The following PRKN variants were observed in gnomAD, a reference collection of about 807,000 sequenced individuals.
PRKN encodes the protein E3 ubiquitin-protein ligase parkin.
PRKN carries 56 observed loss-of-function variants against 59.5 expected under a neutral mutation model. The ratio of observed to expected loss-of-function variants is 0.94; its 90% CI spans 0.76 to 1.18. The LOEUF is 1.18. PRKN is among the 50% of genes most tolerant of loss of function. PRKN has a pLI of 0.00. For missense variants in PRKN, 657 were observed against 596.4 expected (o/e 1.10, Z -1.06); for synonymous variants, 250 against 222.1 (o/e 1.13, Z -1.12).
At chr6:162,426,563 A>C (rs1789247247) in intron 2 of PRKN, among the ~76,000 whole-genome samples, 1 of 152,124 alleles carries the variant, frequency 6.6e-6, no homozygotes, top group East Asian at 1.9e-4. Context: ...CCATCCTCCC[A>C]CCTCATCCCC....
chr6:162,226,097 T>TAATAATAATA (rs1554287422), intron 3 of PRKN, among the ~76,000 whole-genome samples: 1 of 60,646 alleles, frequency 1.6e-5, no homozygotes, highest in East Asian at 5.7e-4. Context: ...ATAATAATAA[T>TAATAATAATA]AAAATTAGAT....
chr6:161,426,787 C>T (rs556706979), intron 9 of PRKN, among the ~76,000 whole-genome samples: 3 of 151,664 alleles, frequency 2.0e-5, no homozygotes, highest in East Asian at 2.0e-4. Flanking sequence ...GGCGCAATCT[C>T]GGCTCACTGC....
chr6:162,202,065 C>T (rs1011906184), intron 3 of PRKN, among the ~76,000 whole-genome samples: 6 of 152,100 alleles, frequency 3.9e-5, no homozygotes, highest in Non-Finnish European at 7.4e-5. Flanking sequence ...CAACCTTCTT[C>T]CTGAATTTCT....
intron 7 of PRKN, among the ~76,000 whole-genome samples, chr6:161,679,476 G>T (rs1785218431): frequency 2.0e-5 from 3 of 150,936 alleles, no homozygotes; most frequent in African/African-American, 7.3e-5. Context: ...GAATGTCCTA[G>T]TTAGGCCTCC....
chr6:162,263,218 T>G, intron 2 of PRKN: 3 of 225,954 alleles, frequency 1.3e-5, no homozygotes, highest in Admixed American at 5.2e-5. Context: ...TAGCTGGGAT[T>G]ATAGGCGGGC....
intron 2 of PRKN, among the ~76,000 whole-genome samples, chr6:162,298,693 T>C (rs967992712): frequency 7.6e-6 from 1 of 131,682 alleles, no homozygotes; most frequent in Non-Finnish European, 1.5e-5. Flanking sequence ...GGCCTTCACC[T>C]TGATGAAAGC....
intron 2 of PRKN, among the ~76,000 whole-genome samples, chr6:162,422,432 C>A (rs541092110): frequency 6.6e-6 from 1 of 152,174 alleles, no homozygotes; most frequent in Non-Finnish European, 1.5e-5. Context: ...TTTTATGCCA[C>A]TGCACATGAG....
intron 6 of PRKN, among the ~76,000 whole-genome samples, chr6:161,971,700 GT>G (rs1780814494): frequency 6.7e-6 from 1 of 149,848 alleles, no homozygotes; most frequent in Non-Finnish European, 1.5e-5. Flanking sequence ...TTGGAAACAG[GT>G]TTGTTCAACA....
rs571296930 is a variant in PRKN at position 161,754,527 on chromosome 6, T to C, written c.871+31245A>G. Among the ~76,000 whole-genome samples, 13 of 151,582 alleles carry C rather than the reference T, an allele frequency of 8.6e-5. No homozygotes were observed. In the South Asian group the frequency reaches 2.5e-3, roughly 29 times the overall value. ...GTGCGTGATTAGCAGCAGGTGAGAG[T>C]AGAGAAGACAGCGGAATTGAAGACA... On this transcript the variant is annotated intron_variant, in intron 7 of 11. Transcript: ENST00000366898.
At chr6:162,266,470 A>G (rs1285837916) in intron 2 of PRKN, 1 of 152,146 alleles carries the variant, frequency 6.6e-6, no homozygotes, top group Non-Finnish European at 1.5e-5. Flanking sequence ...ATGAATTCTA[A>G]AAGTTTGAAA....
intron 9 of PRKN, among the ~76,000 whole-genome samples, chr6:161,427,248 G>A (rs1788412814): frequency 6.6e-6 from 1 of 152,032 alleles, no homozygotes; most frequent in South Asian, 2.1e-4. Flanking sequence ...TTGAACTCTT[G>A]GACTCAAGCC....
intron 9 of PRKN, among the ~76,000 whole-genome samples, chr6:161,435,508 C>A (rs919906010): frequency 2.6e-5 from 4 of 151,470 alleles, no homozygotes; most frequent in African/African-American, 4.9e-5. Flanking sequence ...CAAATATTGG[C>A]GCATTAAAAA....
intron 9 of PRKN, among the ~76,000 whole-genome samples, chr6:161,515,274 T>C (rs1268492146): frequency 6.6e-6 from 1 of 152,196 alleles, no homozygotes; most frequent in Non-Finnish European, 1.5e-5. Context: ...CAGCGTTAGA[T>C]AATTTAAAAT....
intron 4 of PRKN, among the ~76,000 whole-genome samples, chr6:162,189,177 T>C (rs1784160118): frequency 6.6e-6 from 1 of 151,894 alleles, no homozygotes; most frequent in South Asian, 2.1e-4. Flanking sequence ...CAAAGTTGAT[T>C]CCTATTCTAA....
At chr6:161,954,325 A>G (rs1157988697) in intron 6 of PRKN, among the ~76,000 whole-genome samples, 1 of 152,214 alleles carries the variant, frequency 6.6e-6, no homozygotes, top group African/African-American at 2.4e-5. Flanking sequence ...GGTTTAGCCA[A>G]GAATGTTCTA....
At chr6:161,757,842 T>C (rs12177692) in intron 7 of PRKN, among the ~76,000 whole-genome samples, 1,560 of 21,418 alleles carry the variant, frequency 0.073, 28 homozygotes, top group East Asian at 0.16. Flanking sequence ...CATCTCTCTC[T>C]CTCTCTCTCT....
intron 4 of PRKN, among the ~76,000 whole-genome samples, chr6:162,101,626 C>G (rs976403803): frequency 2.0e-5 from 3 of 151,628 alleles, no homozygotes; most frequent in Non-Finnish European, 2.9e-5. Context: ...GAGCCGAGAT[C>G]GTGCCACTGC....
At chr6:162,088,197 C>A (rs1438422016) in intron 4 of PRKN, among the ~76,000 whole-genome samples, 1 of 152,066 alleles carries the variant, frequency 6.6e-6, no homozygotes, top group Non-Finnish European at 1.5e-5. Context: ...ATTCTGAACC[C>A]ATATTATGAT....
chr6:161,862,950 C>T (rs989312346), intron 6 of PRKN, among the ~76,000 whole-genome samples: 3 of 152,172 alleles, frequency 2.0e-5, no homozygotes, highest in African/African-American at 7.2e-5. Flanking sequence ...ACATGTCAGA[C>T]AATCAGATCT....
Sources: allele counts gnomAD v4.1 joint callset (sites outside exome capture counted in the v4.1 genomes callset), GRCh38; gene constraint gnomAD v4.1.1; transcripts MANE v1.5; gene names NCBI Gene and HGNC (gene_info 2026-07-23, HGNC 2026-07-21).